USP15: variants seen among roughly 807,000 people sequenced by gnomAD.
USP15 encodes ubiquitin specific peptidase 15.
In USP15, 18 loss-of-function variants were observed where a neutral mutation model predicts 127.1. The ratio of observed to expected loss-of-function variants is 0.14; its 90% CI spans 0.10 to 0.21. The LOEUF (loss-of-function observed/expected upper bound fraction) is 0.21. USP15 is among the 10% of genes least tolerant of loss of function. USP15 has a pLI of 1.00. For missense variants in USP15, 805 were observed against 1,159.9 expected (o/e 0.69, Z 4.44); for synonymous variants, 364 against 393.7 (o/e 0.92, Z 0.89).
At chr12:62,370,782 A>G (rs1255674277) in intron 8 of USP15, among the ~76,000 whole-genome samples, 1 of 152,166 alleles carries the variant, frequency 6.6e-6, no homozygotes, top group Non-Finnish European at 1.5e-5. Flanking sequence ...ATTTCCCTCC[A>G]ATATGTAACT....
chr12:62,288,629 T>C (rs949991928), intron 1 of USP15, among the ~76,000 whole-genome samples: 2 of 152,172 alleles, frequency 1.3e-5, no homozygotes, highest in Admixed American at 6.5e-5. Flanking sequence ...TTTAGTACTA[T>C]ACTGAATCGG....
intron 4 of USP15, among the ~76,000 whole-genome samples, chr12:62,319,179 AAGAG>A (rs1484837252): frequency 1.3e-5 from 2 of 152,088 alleles, no homozygotes; most frequent in African/African-American, 2.4e-5. Flanking sequence ...GTGGCATAGC[AAGAG>A]AGAGAGAGCA....
intron 2 of USP15, among the ~76,000 whole-genome samples, chr12:62,298,344 G>T (rs895757037): frequency 3.9e-5 from 6 of 152,086 alleles, no homozygotes; most frequent in African/African-American, 1.4e-4. Flanking sequence ...GGGCAACATG[G>T]TGAAACCTTG....
chr12:62,344,512 G>C (rs1310011337), intron 6 of USP15, among the ~76,000 whole-genome samples: 1 of 152,184 alleles, frequency 6.6e-6, no homozygotes, highest in Non-Finnish European at 1.5e-5. Context: ...AGCTTTTCCA[G>C]GTGCACAGTG....
chr12:62,303,005 T>G, intron 3 of USP15, 85 bp downstream of exon 3: 1 of 1,461,002 alleles, frequency 6.8e-7, no homozygotes, highest in Non-Finnish European at 9.3e-7. Context: ...TTGTGAAGTT[T>G]CATCACTTAT....
chr12:62,373,859 A>G (rs1314889820), intron 8 of USP15, among the ~76,000 whole-genome samples: 1 of 152,008 alleles, frequency 6.6e-6, no homozygotes, highest in Admixed American at 6.6e-5. Flanking sequence ...AAGAACATCA[A>G]GTGACTTAAA....
intron 5 of USP15, among the ~76,000 whole-genome samples, chr12:62,324,254 A>G (rs1011122936): frequency 1.8e-4 from 28 of 152,190 alleles, no homozygotes; most frequent in African/African-American, 6.7e-4. Context: ...GGTCTTCAGC[A>G]TTAGTATTTG....
intron 3 of USP15, chr12:62,314,139 T>C (rs1403497713): frequency 9.6e-6 from 4 of 416,994 alleles, no homozygotes; most frequent in Non-Finnish European, 1.3e-5. Flanking sequence ...AATTGCTGCA[T>C]AGAATTACTA....
intron 11 of USP15, among the ~76,000 whole-genome samples, chr12:62,388,234 G>A (rs188603664): frequency 1.3e-5 from 2 of 150,210 alleles, no homozygotes; most frequent in African/African-American, 2.4e-5. Flanking sequence ...CTGGGCTCAA[G>A]GGATTCTCCC....
intron 1 of USP15, among the ~76,000 whole-genome samples, chr12:62,266,616 A>G (rs571106686): frequency 1.3e-5 from 2 of 152,274 alleles, no homozygotes; most frequent in Admixed American, 6.5e-5. Context: ...GATTATTGAC[A>G]AAAGTAAATT....
At chr12:62,285,796 A>G (rs918968528) in intron 1 of USP15, among the ~76,000 whole-genome samples, 1 of 152,184 alleles carries the variant, frequency 6.6e-6, no homozygotes, top group Admixed American at 6.5e-5. Context: ...CTTTGGGTAT[A>G]TACCTAGTAG....
At chr12:62,387,942 C>T (rs2067204497) in intron 11 of USP15, among the ~76,000 whole-genome samples, 1 of 152,064 alleles carries the variant, frequency 6.6e-6, no homozygotes, top group African/African-American at 2.4e-5. Context: ...AGAGAGACAT[C>T]TTTCTTTCCA....
intron 2 of USP15, among the ~76,000 whole-genome samples, chr12:62,297,580 A>G (rs2064171088): frequency 6.6e-6 from 1 of 152,170 alleles, no homozygotes; most frequent in Admixed American, 6.6e-5. Flanking sequence ...AAATCAACAA[A>G]TCCTTCTAAT....
In USP15 at chr12:62,389,829, C is replaced by G; in HGVS notation, c.1685C>G (p.Thr562Arg). The change falls in exon 14 of 22, where the codon ACA (threonine) becomes AGA (arginine). Residue 562 changes from threonine (T) to arginine (R), a missense_variant. Around this residue, in one of 11 missense-constraint regions of USP15, gnomAD observed 82 missense variants for 104.4 expected, o/e 0.79. Coordinates refer to ENST00000280377, the MANE Select transcript of USP15 (RefSeq NM_001252078.2). ...ATTAACATCAATAGGACAGAAGATACAGAGCACGTGATTATTCCTGTTTGC... is the reference window on the plus strand; with the variant it reads ...ATTAACATCAATAGGACAGAAGATAGAGAGCACGTGATTATTCCTGTTTGC... ...FEININRTED[T>R]EHVIIPVCLR... 2 of 1,613,326 alleles carry G rather than the reference C, an allele frequency of 1.2e-6. No homozygotes were observed. Among genetic ancestry groups the G allele is most frequent in the Non-Finnish European group, 1.7e-6 (2 of 1,179,606 alleles).
intron 1 of USP15, among the ~76,000 whole-genome samples, chr12:62,284,188 A>G (rs1023751838): frequency 2.0e-5 from 3 of 152,240 alleles, no homozygotes; most frequent in Non-Finnish European, 2.9e-5. Context: ...AGTGTCCCTC[A>G]ACTTTGTAAG....
chr12:62,345,227 T>A (rs12311259), intron 6 of USP15, among the ~76,000 whole-genome samples: 2 of 152,026 alleles, frequency 1.3e-5, no homozygotes, highest in Non-Finnish European at 2.9e-5. Context: ...TGCTTAGATT[T>A]CTTCTGCCAA....
At chr12:62,318,606 A>G (rs957403855) in intron 4 of USP15, among the ~76,000 whole-genome samples, 1 of 152,042 alleles carries the variant, frequency 6.6e-6, no homozygotes, top group African/African-American at 2.4e-5. Context: ...CTGGCTTTAA[A>G]TATTTTCCAT....
At chr12:62,279,604 T>A (rs1464119997) in intron 1 of USP15, among the ~76,000 whole-genome samples, 2 of 152,154 alleles carry the variant, frequency 1.3e-5, no homozygotes, top group East Asian at 3.9e-4. Flanking sequence ...AGAGTTCCAA[T>A]TTCTCCACAT....
chr12:62,265,174 T>C (rs539812034), intron 1 of USP15, among the ~76,000 whole-genome samples: 29 of 152,350 alleles, frequency 1.9e-4, no homozygotes, highest in African/African-American at 6.5e-4. Flanking sequence ...AGGCTTTTTT[T>C]CCTAAATTAT....
Sources: gnomAD v4.1 joint callset for allele counts (sites outside exome capture counted in the v4.1 genomes callset) on GRCh38, gnomAD v4.1.1 for gene constraint, gnomAD v4.1.1 regional missense constraint, MANE v1.5 for transcripts, NCBI Gene and HGNC (gene_info 2026-07-23, HGNC 2026-07-21) for gene names.